WDR7: variants seen among roughly 807,000 people sequenced by gnomAD.
WDR7 encodes WD repeat-containing protein 7.
In WDR7, 46 loss-of-function variants were observed where a neutral mutation model predicts 169.4. The observed-to-expected ratio is 0.27, with a 90% CI of 0.21 to 0.35. WDR7 has a LOEUF of 0.35. Ranked by LOEUF, WDR7 falls within the 10% of genes least tolerant of loss-of-function variation. WDR7 has a pLI of 1.00. For synonymous variants in WDR7, 612 were observed against 666.8 expected, an observed-to-expected ratio of 0.92 and a Z score of 1.27; for missense variants, 1,534 against 1,859.3, an observed-to-expected ratio of 0.83 and a Z score of 3.22.
rs193206342 is a variant in WDR7 at position 56,768,035 on chromosome 18, G to A, written c.2849-8747G>A. ...TTCTTAACAGTTGGTGATTCTTCTT[G>A]AATTACATTTTTCCTTCTCTGTAAT... On this transcript the variant is annotated intron_variant, in intron 16 of 27. Coordinates refer to ENST00000254442, the MANE Select transcript of WDR7 (RefSeq NM_015285.3). Among the ~76,000 whole-genome samples, 368 of 152,100 alleles carry A rather than the reference G, an allele frequency of 2.4e-3. 1 individual carries two copies. The highest frequency in any genetic ancestry group is 3.6e-3 in the Non-Finnish European group (245 of 67,972).
intron 19 of WDR7, among the ~76,000 whole-genome samples, chr18:56,811,655 A>G (rs1219258074): frequency 6.6e-6 from 1 of 152,106 alleles, no homozygotes; most frequent in African/African-American, 2.4e-5. Context: ...TACTATTTAT[A>G]TAAATTATGA....
At chr18:56,763,495 T>C (rs1484537480) in intron 16 of WDR7, among the ~76,000 whole-genome samples, 1 of 152,240 alleles carries the variant, frequency 6.6e-6, no homozygotes, top group Non-Finnish European at 1.5e-5. Context: ...TACAATTTGC[T>C]AAAATTTTGT....
At chr18:56,952,459 C>A (rs1351085034) in intron 25 of WDR7, among the ~76,000 whole-genome samples, 1 of 152,204 alleles carries the variant, frequency 6.6e-6, no homozygotes, top group African/African-American at 2.4e-5. Flanking sequence ...ATATATACAT[C>A]TTAATGCAGG....
At chr18:56,888,521 T>C (rs1599132020) in intron 21 of WDR7, among the ~76,000 whole-genome samples, 1 of 152,328 alleles carries the variant, frequency 6.6e-6, no homozygotes, top group African/African-American at 2.4e-5. Flanking sequence ...CACCTTCCGA[T>C]TTTCTTCTCC....
At chr18:56,724,401 G>C (rs1285785788) in intron 13 of WDR7, among the ~76,000 whole-genome samples, 2 of 151,368 alleles carry the variant, frequency 1.3e-5, no homozygotes, top group African/African-American at 4.9e-5. Flanking sequence ...GTAGAGATGG[G>C]GGGTTTCATC....
At chr18:57,009,936 C>T (rs983803798) in intron 26 of WDR7, 2 of 985,352 alleles carry the variant, frequency 2.0e-6, no homozygotes, top group Non-Finnish European at 2.4e-6. Context: ...TAACCATAAC[C>T]CAAATCAAAA....
chr18:56,828,134 C>G (rs1314025468), intron 20 of WDR7, among the ~76,000 whole-genome samples: 2 of 152,132 alleles, frequency 1.3e-5, no homozygotes, highest in African/African-American at 4.8e-5. Flanking sequence ...TATAAACTTG[C>G]TAGAAACATT....
intron 20 of WDR7, among the ~76,000 whole-genome samples, chr18:56,816,897 TGTG>T (rs2044980915): frequency 6.6e-6 from 1 of 152,202 alleles, no homozygotes; most frequent in Non-Finnish European, 1.5e-5. Flanking sequence ...GTATAATTGT[TGTG>T]AAGCAACAAA....
At chr18:56,753,239 A>G (rs1599016684) in intron 14 of WDR7, 1 of 152,324 alleles carries the variant, frequency 6.6e-6, no homozygotes, top group African/African-American at 2.4e-5. Flanking sequence ...AGGCTAGTCA[A>G]GTGAAGCAGT....
At chr18:56,880,512 G>C (rs2046092442) in intron 21 of WDR7, among the ~76,000 whole-genome samples, 2 of 152,272 alleles carry the variant, frequency 1.3e-5, no homozygotes, top group South Asian at 4.1e-4. Context: ...TCTGAATGTG[G>C]TTTGAAAAGT....
At chr18:56,759,864 CT>C (rs2043955637) in intron 16 of WDR7, among the ~76,000 whole-genome samples, 1 of 152,096 alleles carries the variant, frequency 6.6e-6, no homozygotes, top group South Asian at 2.1e-4. Context: ...AAGACAAGTA[CT>C]TTTATCTCTC....
intron 14 of WDR7, among the ~76,000 whole-genome samples, chr18:56,754,826 A>C (rs181580211): frequency 2.0e-5 from 3 of 152,338 alleles, no homozygotes; most frequent in Admixed American, 1.3e-4. Context: ...GGAAATAAAT[A>C]TATTGGATCA....
chr18:56,732,516 T>C (rs1175030413), intron 14 of WDR7, among the ~76,000 whole-genome samples: 1 of 152,210 alleles, frequency 6.6e-6, no homozygotes, highest in Non-Finnish European at 1.5e-5. Flanking sequence ...AAATTAACCA[T>C]GAGTTCGTGC....
At chr18:56,783,035 G>T (rs189430359) in intron 19 of WDR7, among the ~76,000 whole-genome samples, 1 of 151,798 alleles carries the variant, frequency 6.6e-6, no homozygotes, top group Non-Finnish European at 1.5e-5. Context: ...ACTTATAGCC[G>T]AAGTATCACA....
At chr18:56,694,563 G>A (rs918532009) in intron 9 of WDR7, 56 bp from the exon 10 acceptor site, 1 of 1,526,272 alleles carries the variant, frequency 6.6e-7, no homozygotes, top group Non-Finnish European at 8.9e-7. Context: ...GCATTAATGT[G>A]TGAAATATTT....
intron 12 of WDR7, among the ~76,000 whole-genome samples, chr18:56,700,760 G>A (rs1160182771): frequency 3.5e-4 from 48 of 138,688 alleles, no homozygotes; most frequent in East Asian, 1.1e-3. Context: ...TAGTAGAGAC[G>A]GGGTTTCACC....
chr18:56,653,228 T>TG (rs2024693864), intron 1 of WDR7, among the ~76,000 whole-genome samples: 1 of 151,966 alleles, frequency 6.6e-6, no homozygotes. Context: ...TTTTTTTAGA[T>TG]GGAGTTTCGC....
Position 56,971,735 on chromosome 18 carries a change from A to C in WDR7, c.4164+9206A>C, listed in dbSNP as rs539426057. 3.9e-5 allele frequency among the ~76,000 whole-genome samples: 6 copies of C among 152,306 alleles called. No individual in the cohort carries two copies. The East Asian group carries it at 9.7e-4, about 25-fold the overall frequency. ...GGCAAGGGACATTATTCCAGGCAGA[A>C]GGTATAACATATGCAAAGCCCAGAG... On this transcript the variant is annotated intron_variant, in intron 26 of 27. Transcript: ENST00000254442.
intron 12 of WDR7, among the ~76,000 whole-genome samples, chr18:56,710,444 C>T (rs779325964): frequency 6.6e-6 from 1 of 152,070 alleles, no homozygotes; most frequent in Non-Finnish European, 1.5e-5. Context: ...ACTTATTTTG[C>T]TTATTCATGA....
Sources: gnomAD v4.1 joint callset for allele counts (sites outside exome capture counted in the v4.1 genomes callset) on GRCh38, gnomAD v4.1.1 for gene constraint, MANE v1.5 for transcripts, NCBI Gene and HGNC (gene_info 2026-07-23, HGNC 2026-07-21) for gene names.